LRP1B: variants seen among roughly 807,000 people sequenced by gnomAD.
LRP1B encodes the protein LDL receptor related protein 1B.
Under a neutral mutation model 556.6 loss-of-function variants are expected in LRP1B, and 217 were observed. The ratio of observed to expected loss-of-function variants is 0.39; its 90% CI spans 0.35 to 0.44. The LOEUF is 0.44. LRP1B is among the 20% of genes least tolerant of loss of function. The pLI, the probability that LRP1B is intolerant of heterozygous loss-of-function variation, is 1.00. For synonymous variants in LRP1B, 2,047 were observed against 1,865.8 expected, an observed-to-expected ratio of 1.10 and a Z score of -2.50; for missense variants, 5,053 against 5,620.8, an observed-to-expected ratio of 0.90 and a Z score of 3.23.
At chr2:142,054,370 A>G (rs1250142961) in intron 1 of LRP1B, among the ~76,000 whole-genome samples, 1 of 152,054 alleles carries the variant, frequency 6.6e-6, no homozygotes, top group African/African-American at 2.4e-5. Flanking sequence ...ATGTTGTCCC[A>G]TCCCCACTAC....
rs34006829 is a variant in LRP1B at position 140,378,294 on chromosome 2, T to TA, written c.10532-9dup. ...ATGTACATGTCTGTGGCTCTGGGGA[T>TA]AAAAAAACAGCACAGGGTTATTCTA... is the stretch of plus-strand genomic sequence containing the variant. On this transcript the variant is annotated splice_polypyrimidine_tract_variant and intron_variant, in intron 67 of 90. Transcript: ENST00000389484. The TA allele has an allele frequency of 0.078, 114,762 of 1,476,712 alleles. 5,093 individuals are homozygous for TA. Among genetic ancestry groups the TA allele is most frequent in the African/African-American group, 0.12 (8,755 of 71,928 alleles). 91.5% of individuals were successfully genotyped at this position (1,476,712 alleles called of 1,614,324 possible). A position where few individuals can be genotyped will look rare whatever the true frequency, so the allele number is the denominator to read the frequency against.
At chr2:142,038,114 C>A (rs774243021) in intron 1 of LRP1B, among the ~76,000 whole-genome samples, 14 of 151,442 alleles carry the variant, frequency 9.2e-5, no homozygotes, top group Non-Finnish European at 2.1e-4. Context: ...CACTTTTGAT[C>A]TTAAGTTTCA....
intron 41 of LRP1B, among the ~76,000 whole-genome samples, chr2:140,614,247 C>G (rs1466795248): frequency 6.6e-6 from 1 of 152,038 alleles, no homozygotes; most frequent in African/African-American, 2.4e-5. Context: ...TATTATTGAT[C>G]AAATCTATCC....
chr2:141,914,934 T>C (rs1699992408), intron 1 of LRP1B, among the ~76,000 whole-genome samples: 1 of 152,192 alleles, frequency 6.6e-6, no homozygotes, highest in African/African-American at 2.4e-5. Flanking sequence ...ACCCAAAGTA[T>C]CTATAGATTC....
rs780765552 is a variant in LRP1B, at chr2:140,373,091, T to C, written c.10685A>G (p.Asn3562Ser). ...SCSKDQFRCS[N>S]GQCIPAKWKC... ...CCATTTTGCTGGTATACACTGACCA[T>C]TGGAACACCGGAACTGATCTTTGGA... The change falls in exon 69 of 91, where the codon AAT becomes AGT. Residue 3562 changes from asparagine to serine, a missense_variant. Transcript: ENST00000389484. The C allele has an allele frequency of 5.0e-6, 8 of 1,613,204 alleles. No individual in the cohort carries two copies. Among genetic ancestry groups the C allele is most frequent in the African/African-American group, 1.3e-5 (1 of 74,862 alleles).
chr2:140,646,974 A>G (rs1684507358), intron 41 of LRP1B, among the ~76,000 whole-genome samples: 3 of 152,012 alleles, frequency 2.0e-5, no homozygotes. Context: ...ATGTTTCTTG[A>G]TATTTTCTAG....
chr2:141,785,988 A>G (rs1056237585), intron 2 of LRP1B, among the ~76,000 whole-genome samples: 3 of 151,930 alleles, frequency 2.0e-5, no homozygotes, highest in Non-Finnish European at 4.4e-5. Flanking sequence ...AAAAATTCTA[A>G]GTGAGCCACC....
intron 1 of LRP1B, among the ~76,000 whole-genome samples, chr2:142,089,021 T>C (rs899693795): frequency 2.1e-4 from 31 of 150,748 alleles, no homozygotes; most frequent in Non-Finnish European, 3.5e-4. Context: ...TACTGACTTA[T>C]ATACATAAAC....
rs2105198054 is a variant in LRP1B, at chr2:140,601,460, C to T, written c.6979G>A (p.Glu2327Lys). 1.2e-6 allele frequency: 2 copies of T among 1,609,628 alleles called. No homozygotes were observed. Among genetic ancestry groups the T allele is most frequent in the Admixed American group, 3.3e-5 (2 of 59,784 alleles). ...DDHPHVLALD[E>K]CQNLMFWTNW... ...TACACTGTTTCTTACTTTTGACATT[C>T]ATCCAAGGCTAGCACATGTGGATGG... is the stretch of plus-strand genomic sequence containing the variant. Residue 2327 changes from glutamate (E) to lysine (K), a missense_variant, in exon 42 of 91, where the codon GAA becomes AAA. Physicochemically the swap from Glu to Lys is moderately conservative, Grantham distance 56. Transcript: ENST00000389484.
In LRP1B at chr2:141,782,175, T is replaced by C. The variant is rs143839993; in HGVS notation, c.205+28104A>G. Among the ~76,000 whole-genome samples the C allele has an allele frequency of 2.6e-4, 40 of 152,214 alleles. No individual in the cohort carries two copies. The East Asian group carries it at 4.3e-3, about 16-fold the overall frequency. On this transcript the variant is annotated intron_variant, in intron 2 of 90. Transcript: ENST00000389484. Reference sequence around the variant, plus strand: ...ATTCCCACTGGGTTCTTTACCAACATGATGTACTTGCCAGACATGATTGAA... The same window carrying C: ...ATTCCCACTGGGTTCTTTACCAACACGATGTACTTGCCAGACATGATTGAA...
intron 49 of LRP1B, among the ~76,000 whole-genome samples, chr2:140,518,986 C>CTTATG: frequency 6.6e-6 from 1 of 152,228 alleles, no homozygotes; most frequent in East Asian, 1.9e-4. Flanking sequence ...GAAGAACAGT[C>CTTATG]CATGCTTATG....
At chr2:140,258,152 AC>A (rs1681777584) in intron 86 of LRP1B, among the ~76,000 whole-genome samples, 1 of 152,080 alleles carries the variant, frequency 6.6e-6, no homozygotes, top group African/African-American at 2.4e-5. Flanking sequence ...TGTATTACTC[AC>A]CCTAAGGACT....
chr2:141,474,072 C>G, intron 3 of LRP1B, among the ~76,000 whole-genome samples: 1 of 143,790 alleles, frequency 7.0e-6, no homozygotes, highest in Middle Eastern at 3.2e-3. Context: ...TCCCTCCCTT[C>G]CTTTCCTCCC....
At chr2:141,662,959 T>C (rs974695473) in intron 2 of LRP1B, among the ~76,000 whole-genome samples, 1 of 131,698 alleles carries the variant, frequency 7.6e-6, no homozygotes, top group Admixed American at 8.1e-5. Flanking sequence ...GCAAAAAAAA[T>C]AAATAAAAAA....
intron 2 of LRP1B, among the ~76,000 whole-genome samples, chr2:141,655,332 G>A (rs953530176): frequency 1.3e-5 from 2 of 152,048 alleles, no homozygotes; most frequent in African/African-American, 4.8e-5. Context: ...GGAAGGAGGA[G>A]AGTCATATTT....
chr2:141,464,731 C>T (rs1682114531), intron 3 of LRP1B, among the ~76,000 whole-genome samples: 1 of 150,912 alleles, frequency 6.6e-6, no homozygotes, highest in African/African-American at 2.4e-5. Context: ...TGCGCCCGTC[C>T]CTTTGCTGTG....
chr2:141,171,498 T>A (rs1680496219), intron 7 of LRP1B, among the ~76,000 whole-genome samples: 2 of 152,096 alleles, frequency 1.3e-5, no homozygotes, highest in Admixed American at 1.3e-4. Flanking sequence ...TGATACAAAC[T>A]TAGAGCTGTC....
chr2:141,887,555 T>G (rs1057235920), intron 1 of LRP1B, among the ~76,000 whole-genome samples: 27 of 152,146 alleles, frequency 1.8e-4, no homozygotes, highest in Non-Finnish European at 2.9e-4. Flanking sequence ...GGAACACACA[T>G]GTATGAAACA....
intron 2 of LRP1B, among the ~76,000 whole-genome samples, chr2:141,798,299 T>A (rs1695888064): frequency 6.6e-6 from 1 of 152,232 alleles, no homozygotes; most frequent in Admixed American, 6.5e-5. Flanking sequence ...ACTATTCTTC[T>A]GATTTTTCTG....
Sources: allele counts gnomAD v4.1 joint callset (sites outside exome capture counted in the v4.1 genomes callset), GRCh38; gene constraint gnomAD v4.1.1; transcripts MANE v1.5; gene names NCBI Gene and HGNC (gene_info 2026-07-23, HGNC 2026-07-21).